Variants in HTR2C observed in about 807,000 individuals in gnomAD.
HTR2C encodes the protein 5-hydroxytryptamine (serotonin) receptor 2C, G protein-coupled.
A neutral mutation model predicts 21.0 loss-of-function variants in HTR2C; 5 were observed. The ratio of observed to expected loss-of-function variants is 0.24; its 90% confidence interval spans 0.12 to 0.50. HTR2C has a LOEUF of 0.50. HTR2C is among the 20% of genes least tolerant of loss of function. The probability of loss-of-function intolerance (pLI) is 0.98; values close to 1 mark genes in which losing one functional copy is unlikely to be tolerated. For synonymous variants in HTR2C, 150 were observed against 145.3 expected, an observed-to-expected ratio of 1.03 and a Z score of -0.23; for missense variants, 271 against 371.2, an observed-to-expected ratio of 0.73 and a Z score of 2.22.
At chrX:114,621,983 G>A (rs1556401825) in intron 2 of HTR2C, among the ~76,000 whole-genome samples, 1 of 111,655 alleles carries the variant, frequency 9.0e-6, no homozygotes, top group East Asian at 2.8e-4. Context: ...AATGACTGAG[G>A]AAACCAGGAA....
chrX:114,890,738 T>G (rs35100185), intron 5 of HTR2C, among the ~76,000 whole-genome samples: 3,613 of 111,947 alleles, frequency 0.032, 52 homozygotes, highest in Non-Finnish European at 0.051. Context: ...TCATATGAAA[T>G]ATGTCTCTTC....
At chrX:114,801,693 T>C (rs1280141217) in intron 4 of HTR2C, among the ~76,000 whole-genome samples, 9 of 111,100 alleles carry the variant, frequency 8.1e-5, no homozygotes, top group Non-Finnish European at 1.9e-5. Flanking sequence ...TGTGGGTACA[T>C]GGTAGATGTG....
intron 2 of HTR2C, among the ~76,000 whole-genome samples, chrX:114,714,033 A>G (rs1932937605): frequency 8.9e-6 from 1 of 111,907 alleles, no homozygotes; most frequent in Admixed American, 9.5e-5. Context: ...TAAAAAGTGA[A>G]AATATATTAC....
chrX:114,629,808 A>G (rs1024736712), intron 2 of HTR2C, among the ~76,000 whole-genome samples: 2 of 111,310 alleles, frequency 1.8e-5, no homozygotes, highest in African/African-American at 6.5e-5. Flanking sequence ...ATGGCTGAGC[A>G]CCTAAGCAGC....
intron 1 of HTR2C, among the ~76,000 whole-genome samples, chrX:114,604,473 T>G (rs1214908199): frequency 1.8e-5 from 2 of 109,512 alleles, no homozygotes; most frequent in Non-Finnish European, 3.8e-5. Context: ...ATTAAGAAGG[T>G]AATCACTTAC....
Position 114,906,797 on chromosome X carries a change from C to G in HTR2C, c.759C>G (p.Thr253=), listed in dbSNP as rs781854947. The change falls in exon 6 of 6, where the codon ACC becomes ACG. Residue 253 remains threonine, a synonymous_variant. Transcript: ENST00000276198. ...CTTTGATGTTACTGCACGGCCACAC[C>G]GAGGAACCGCCTGGACTAAGTCTGG... is the stretch of plus-strand genomic sequence containing the variant. ...RQALMLLHGH[T]EEPPGLSLDF... is the part of the protein sequence containing the mutation. 2 of 1,210,801 alleles carry G rather than the reference C, an allele frequency of 1.7e-6. No individual in the cohort carries two copies. Among genetic ancestry groups the G allele is most frequent in the Admixed American group, 4.4e-5 (2 of 45,898 alleles).
At chrX:114,748,192 A>G (rs2147364230) in intron 4 of HTR2C, among the ~76,000 whole-genome samples, 1 of 112,076 alleles carries the variant, frequency 8.9e-6, no homozygotes, top group Admixed American at 9.5e-5. Context: ...TAAAATTATA[A>G]ATGTAAATCT....
intron 2 of HTR2C, among the ~76,000 whole-genome samples, chrX:114,704,769 C>A (rs781969932): frequency 9.2e-6 from 1 of 109,280 alleles, no homozygotes; most frequent in Admixed American, 9.9e-5. Context: ...GTCAAATTGT[C>A]CCTGTTTGCA....
rs782072144 is a variant in HTR2C, at chrX:114,676,977, G to T, written c.-79-49881G>T. Reference sequence around the variant, plus strand: ...AATTGAATTCAAATCCTGAGCAATTGTATTTGATTTCCTTTCTGTATTAAT... The same window carrying T: ...AATTGAATTCAAATCCTGAGCAATTTTATTTGATTTCCTTTCTGTATTAAT... On this transcript the variant is annotated intron_variant, in intron 2 of 5. Transcript: ENST00000276198. 1.3e-4 allele frequency among the ~76,000 whole-genome samples: 14 copies of T among 111,971 alleles called. No individual in the cohort carries two copies. In the South Asian group the frequency reaches 5.2e-3, roughly 41 times the overall value.
intron 1 of HTR2C, among the ~76,000 whole-genome samples, chrX:114,595,801 A>G (rs1177209070): frequency 2.3e-5 from 1 of 43,664 alleles, no homozygotes; most frequent in Non-Finnish European, 4.9e-5. Flanking sequence ...AATATGACAG[A>G]TTAAAACACA....
chrX:114,791,508 G>A (rs2070232140), intron 4 of HTR2C, among the ~76,000 whole-genome samples: 1 of 111,312 alleles, frequency 9.0e-6, no homozygotes, highest in Admixed American at 9.6e-5. Flanking sequence ...TCTCTTCTCA[G>A]AAAACACTGG....
intron 2 of HTR2C, among the ~76,000 whole-genome samples, chrX:114,645,559 A>G (rs1450955896): frequency 9.0e-6 from 1 of 111,449 alleles, no homozygotes; most frequent in Non-Finnish European, 1.9e-5. Flanking sequence ...AGCATAAAGG[A>G]TAAAGTTAAA....
At chrX:114,855,903 T>C (rs1416215234) in intron 5 of HTR2C, among the ~76,000 whole-genome samples, 1 of 107,653 alleles carries the variant, frequency 9.3e-6, no homozygotes, top group African/African-American at 3.4e-5. Context: ...CAAGAGAAAC[T>C]TTTTCATGGT....
In HTR2C at chrX:114,689,954, C is replaced by T. The variant is rs182185175; in HGVS notation, c.-79-36904C>T. Reference sequence around the variant, plus strand: ...ATAATTCATAACTCATTTTTTTGAACTCATTATTTATAAAAGGTATCAATT... The same window carrying T: ...ATAATTCATAACTCATTTTTTTGAATTCATTATTTATAAAAGGTATCAATT... On this transcript the variant is annotated intron_variant, in intron 2 of 5. Coordinates refer to ENST00000276198, the MANE Select transcript of HTR2C (RefSeq NM_000868.4). Among the ~76,000 whole-genome samples the T allele has an allele frequency of 2.7e-3, 299 of 111,241 alleles. 2 individuals carry two copies. Among genetic ancestry groups the T allele is most frequent in the Admixed American group, 4.3e-3 (45 of 10,377 alleles).
At chrX:114,838,716 G>T (rs1161944101) in intron 4 of HTR2C, among the ~76,000 whole-genome samples, 3 of 111,999 alleles carry the variant, frequency 2.7e-5, no homozygotes, top group Admixed American at 1.9e-4. Flanking sequence ...CTCCCCTATG[G>T]AAAGTGTGCT....
chrX:114,726,122 C>T (rs1166039622), intron 2 of HTR2C, among the ~76,000 whole-genome samples: 2 of 112,332 alleles, frequency 1.8e-5, no homozygotes, highest in African/African-American at 6.4e-5. Flanking sequence ...GCCTCACTGC[C>T]ACCTTGCAGT....
At chrX:114,899,003 G>A (rs1456923661) in intron 5 of HTR2C, among the ~76,000 whole-genome samples, 3 of 111,940 alleles carry the variant, frequency 2.7e-5, no homozygotes, top group Middle Eastern at 4.2e-3. Context: ...TAATTGCATC[G>A]ATTCTTTCTA....
intron 4 of HTR2C, among the ~76,000 whole-genome samples, chrX:114,835,622 A>G (rs1192289763): frequency 1.8e-5 from 2 of 110,725 alleles, no homozygotes; most frequent in Non-Finnish European, 3.8e-5. Flanking sequence ...TTTTTTTCAA[A>G]GTTTTCAACT....
intron 4 of HTR2C, among the ~76,000 whole-genome samples, chrX:114,736,835 A>G (rs2069594581): frequency 8.9e-6 from 1 of 112,035 alleles, no homozygotes; most frequent in Admixed American, 9.5e-5. Context: ...AGAAAGTACT[A>G]ACAACAAAAG....
Sources: gnomAD v4.1 joint callset for allele counts (sites outside exome capture counted in the v4.1 genomes callset) on GRCh38, gnomAD v4.1.1 for gene constraint, MANE v1.5 for transcripts, NCBI Gene and HGNC (gene_info 2026-07-23, HGNC 2026-07-21) for gene names.